Variants in PARVA observed in about 807,000 individuals in gnomAD.
The protein encoded by PARVA is alpha-parvin.
Under a neutral mutation model 52.6 loss-of-function variants are expected in PARVA, and 25 were observed. That is an observed-to-expected ratio of 0.48 (90% CI 0.35 to 0.66). The LOEUF (loss-of-function observed/expected upper bound fraction) is 0.66. Ranked by LOEUF, PARVA falls within the 30% of genes least tolerant of loss-of-function variation. The pLI is 0.01. For missense variants in PARVA, 373 were observed against 450.9 expected (o/e 0.83, Z 1.56); for synonymous variants, 185 against 179.1 (o/e 1.03, Z -0.26).
intron 1 of PARVA, among the ~76,000 whole-genome samples, chr11:12,429,693 A>G (rs928351178): frequency 4.0e-5 from 6 of 151,888 alleles, no homozygotes; most frequent in African/African-American, 1.2e-4. Flanking sequence ...TCACTAAACT[A>G]TTTTTCATCT....
chr11:12,465,682 C>T (rs932595962), intron 1 of PARVA, among the ~76,000 whole-genome samples: 1 of 152,196 alleles, frequency 6.6e-6, no homozygotes, highest in African/African-American at 2.4e-5. Flanking sequence ...CATGTCTCTT[C>T]ATGGCTTTAT....
chr11:12,435,969 C>T (rs1028735621), intron 1 of PARVA, among the ~76,000 whole-genome samples: 27 of 152,068 alleles, frequency 1.8e-4, no homozygotes, highest in African/African-American at 5.3e-4. Context: ...ACTACAGGCG[C>T]GTACCACCAC....
intron 1 of PARVA, among the ~76,000 whole-genome samples, chr11:12,425,855 A>T (rs1940224091): frequency 6.6e-6 from 1 of 152,236 alleles, no homozygotes. Context: ...CTTCGTTACC[A>T]GGCAGAGCCA....
intron 1 of PARVA, among the ~76,000 whole-genome samples, chr11:12,395,362 T>G (rs1939726457): frequency 6.6e-6 from 1 of 152,210 alleles, no homozygotes; most frequent in Admixed American, 6.5e-5. Context: ...ACACAGGTCT[T>G]CAGGGGCTCT....
intron 1 of PARVA, among the ~76,000 whole-genome samples, chr11:12,389,532 ACAGTGGG>A: frequency 6.6e-6 from 1 of 152,366 alleles, no homozygotes; most frequent in Admixed American, 6.5e-5. Context: ...TAATTGCAAG[ACAGTGGG>A]CTGAGTGCTG....
At chr11:12,454,005 C>G (rs768299864) in intron 1 of PARVA, among the ~76,000 whole-genome samples, 2 of 152,196 alleles carry the variant, frequency 1.3e-5, no homozygotes, top group Non-Finnish European at 2.9e-5. Context: ...CACAAATCCA[C>G]TCCTTTGCCC....
At position 12,532,874 on chromosome 11, in the gene PARVA, G is replaced by T. The variant is rs1941789343; in HGVS notation, c.*4949G>T. Among the ~76,000 whole-genome samples, 1 of 152,194 alleles carries T rather than the reference G, an allele frequency of 6.6e-6. No individual in the cohort carries two copies. Among genetic ancestry groups the T allele is most frequent in the Non-Finnish European group, 1.5e-5 (1 of 68,032 alleles). On this transcript the variant is annotated 3_prime_UTR_variant, in exon 13 of 13. Transcript: ENST00000334956. ...GGATCCGATCGCAGGCATCGGGAGT[G>T]CTGATTTTTCTCCTTTGAAAAACAG...
chr11:12,495,621 C>T (rs1564862121), intron 4 of PARVA, among the ~76,000 whole-genome samples: 1 of 150,412 alleles, frequency 6.6e-6, no homozygotes, highest in African/African-American at 2.5e-5. Flanking sequence ...TGAGTTTTTC[C>T]TTTTTTTTAA....
At chr11:12,465,548 T>C (rs1409676115) in intron 1 of PARVA, among the ~76,000 whole-genome samples, 4 of 152,204 alleles carry the variant, frequency 2.6e-5, no homozygotes, top group Non-Finnish European at 5.9e-5. Context: ...TATTCAGCAT[T>C]TTCCCCCATT....
At chr11:12,395,666 G>T (rs139590012) in intron 1 of PARVA, among the ~76,000 whole-genome samples, 1 of 152,078 alleles carries the variant, frequency 6.6e-6, no homozygotes, top group Non-Finnish European at 1.5e-5. Flanking sequence ...TCAAAGACTC[G>T]GCCTCTTCCA....
In PARVA at chr11:12,477,907, G is replaced by C; in HGVS notation, c.358G>C (p.Ala120Pro). 6.2e-7 allele frequency: 1 copy of C among 1,611,372 alleles called. No individual in the cohort carries two copies. Among genetic ancestry groups the C allele is most frequent in the Non-Finnish European group, 8.5e-7 (1 of 1,177,534 alleles). Reference sequence around the variant, plus strand: ...AGAAAGAATCATTGTGAAAGACCTAGCTGAAGATTTGTATGATGGACAAGT... The same window carrying C: ...AGAAAGAATCATTGTGAAAGACCTACCTGAAGATTTGTATGATGGACAAGT... ...VGERIIVKDL[A>P]EDLYDGQVLQ... Residue 120 changes from alanine to proline, a missense_variant, in exon 4 of 13, where the codon GCT (alanine) becomes CCT (proline). Physicochemically the swap from Ala to Pro is conservative, Grantham distance 27. Coordinates refer to ENST00000334956, the MANE Select transcript of PARVA (RefSeq NM_018222.5).
chr11:12,483,167 A>G (rs1286070746), intron 4 of PARVA, among the ~76,000 whole-genome samples: 1 of 152,178 alleles, frequency 6.6e-6, no homozygotes. Context: ...GGTAGATTCT[A>G]TCAGAACAGC....
At position 12,529,372 on chromosome 11, in the gene PARVA, A is replaced by G. The variant is rs956227930; in HGVS notation, c.*1447A>G. 2 of 152,106 alleles carry G rather than the reference A, an allele frequency of 1.3e-5. No individual in the cohort carries two copies. Among genetic ancestry groups the G allele is most frequent in the African/African-American group, 4.8e-5 (2 of 41,410 alleles). 9.4% of individuals were successfully genotyped at this position (152,106 alleles called of 1,614,324 possible). A position where few individuals can be genotyped will look rare whatever the true frequency, so the allele number is the denominator to read the frequency against. Reference sequence around the variant, plus strand: ...AGGGGACGAGAAGCATGGGGAAAATATTTGCACTCTAAACATACAGAGATA... The same window carrying G: ...AGGGGACGAGAAGCATGGGGAAAATGTTTGCACTCTAAACATACAGAGATA... On this transcript the variant is annotated 3_prime_UTR_variant, in exon 13 of 13. Transcript: ENST00000334956.
At chr11:12,476,299 G>A (rs970368693) in intron 3 of PARVA, among the ~76,000 whole-genome samples, 2 of 152,108 alleles carry the variant, frequency 1.3e-5, no homozygotes, top group Admixed American at 6.6e-5. Context: ...TGACCACCTT[G>A]AAATCCTACT....
chr11:12,430,953 G>A (rs1940307650), intron 1 of PARVA, among the ~76,000 whole-genome samples: 2 of 152,202 alleles, frequency 1.3e-5, no homozygotes, highest in South Asian at 4.1e-4. Context: ...AACCAGCAAA[G>A]CAAATGTTCG....
At chr11:12,484,808 CTTTTT>C (rs1177057401) in intron 4 of PARVA, among the ~76,000 whole-genome samples, 2 of 102,634 alleles carry the variant, frequency 1.9e-5, no homozygotes, top group Non-Finnish European at 2.0e-5. Context: ...TTTTTGTTGA[CTTTTT>C]TTTTTTTTTT....
chr11:12,409,718 C>T (rs933957585), intron 1 of PARVA, among the ~76,000 whole-genome samples: 2 of 152,208 alleles, frequency 1.3e-5, no homozygotes, highest in Non-Finnish European at 2.9e-5. Context: ...GCAGCCCTGC[C>T]AGCATGTTGA....
At position 12,530,669 on chromosome 11, in the gene PARVA, G is replaced by A. The variant is rs185388747; in HGVS notation, c.*2744G>A. Reference sequence around the variant, plus strand: ...GCACAAACATACATATAAAATCTGCGGGCTTCAAAAAATATAAGTAGGATG... The same window carrying A: ...GCACAAACATACATATAAAATCTGCAGGCTTCAAAAAATATAAGTAGGATG... On this transcript the variant is annotated 3_prime_UTR_variant, in exon 13 of 13. Transcript: ENST00000334956. The A allele has an allele frequency of 3.3e-5, 5 of 152,018 alleles. No homozygotes were observed. In the East Asian group the frequency reaches 5.8e-4, roughly 18 times the overall value. 9.4% of individuals were successfully genotyped at this position (152,018 alleles called of 1,614,324 possible).
At position 12,534,370 on chromosome 11, in the gene PARVA, G is replaced by A. The variant is rs555844337; in HGVS notation, c.*6445G>A. ...CTGGCCCAGAATGATGCTTCTCCTCGGTGGACCCCCTGGGCTGAGCAGCCT... is the reference window on the plus strand; with the variant it reads ...CTGGCCCAGAATGATGCTTCTCCTCAGTGGACCCCCTGGGCTGAGCAGCCT... On this transcript the variant is annotated 3_prime_UTR_variant, in exon 13 of 13. Coordinates refer to ENST00000334956, the MANE Select transcript of PARVA (RefSeq NM_018222.5). Among the ~76,000 whole-genome samples, 5 of 152,170 alleles carry A rather than the reference G, an allele frequency of 3.3e-5. No homozygotes were observed. The highest frequency in any genetic ancestry group is 1.3e-4 in the Admixed American group (2 of 15,282).
Sources: gnomAD v4.1 joint callset for allele counts (sites outside exome capture counted in the v4.1 genomes callset) on GRCh38, gnomAD v4.1.1 for gene constraint, MANE v1.5 for transcripts, NCBI Gene and HGNC (gene_info 2026-07-23, HGNC 2026-07-21) for gene names.